APBB2: variants seen among roughly 807,000 people sequenced by gnomAD.
The protein encoded by APBB2 is Fe65-like 1.
In APBB2, 38 loss-of-function variants were observed where a neutral mutation model predicts 82.5. That is an observed-to-expected ratio of 0.46 (90% CI 0.36 to 0.60). The LOEUF (loss-of-function observed/expected upper bound fraction) is 0.60, where lower values mean the gene tolerates loss of function less well. Ranked by LOEUF, APBB2 falls within the 20% of genes least tolerant of loss-of-function variation. The probability of loss-of-function intolerance (pLI) is 0.00; values close to 1 mark genes in which losing one functional copy is unlikely to be tolerated. For missense variants in APBB2, 772 were observed against 972.3 expected, an observed-to-expected ratio of 0.79 and a Z score of 2.74; for synonymous variants, 341 against 368.2, an observed-to-expected ratio of 0.93 and a Z score of 0.85.
chr4:40,951,732 T>C (rs76053100), intron 6 of APBB2, among the ~76,000 whole-genome samples: 2,093 of 152,334 alleles, frequency 0.014, 48 homozygotes, highest in African/African-American at 0.048. Flanking sequence ...CCGTGTTCAC[T>C]GCATGGATGG....
intron 6 of APBB2, among the ~76,000 whole-genome samples, chr4:40,985,495 A>C (rs1042172316): frequency 6.6e-6 from 1 of 152,208 alleles, no homozygotes; most frequent in Non-Finnish European, 1.5e-5. Context: ...CAGAGAGCAC[A>C]GGGCCAATTG....
intron 5 of APBB2, among the ~76,000 whole-genome samples, chr4:41,031,504 C>A (rs1716794910): frequency 6.6e-6 from 1 of 152,134 alleles, no homozygotes; most frequent in South Asian, 2.1e-4. Context: ...TATTTAAAAA[C>A]CAGGCTAGAT....
chr4:41,206,459 A>T (rs1289819266), intron 1 of APBB2, among the ~76,000 whole-genome samples: 3 of 152,232 alleles, frequency 2.0e-5, no homozygotes, highest in African/African-American at 7.2e-5. Flanking sequence ...AGGAAGGAAC[A>T]AATGAAGCCG....
chr4:41,169,829 G>T lies in APBB2; in HGVS notation c.-416-26687C>A, dbSNP rs185083596. Among the ~76,000 whole-genome samples, 277 of 147,772 alleles carry T rather than the reference G, an allele frequency of 1.9e-3. 1 individual carries two copies. Among genetic ancestry groups the T allele is most frequent in the African/African-American group, 6.9e-3 (268 of 39,122 alleles). On this transcript the variant is annotated intron_variant, in intron 1 of 17. Transcript: ENST00000508593. ...AAAGATCCAAAAACGAATAGGGGGG[G>T]AAAAAAGGAAAGAAAATATTACTGT... is the stretch of plus-strand genomic sequence containing the variant.
At chr4:41,056,126 G>A (rs981727613) in intron 4 of APBB2, among the ~76,000 whole-genome samples, 11 of 152,138 alleles carry the variant, frequency 7.2e-5, no homozygotes, top group African/African-American at 2.7e-4. Context: ...GTTGCAGTGA[G>A]CCGAGATCGC....
At chr4:41,163,982 A>G (rs1251763944) in intron 1 of APBB2, among the ~76,000 whole-genome samples, 1 of 152,244 alleles carries the variant, frequency 6.6e-6, no homozygotes, top group African/African-American at 2.4e-5. Flanking sequence ...AATTATAAAG[A>G]AAAGTCTATA....
At chr4:40,982,221 G>GAAAAGAAAGAAAAGAAAGAAA (rs766666523) in intron 6 of APBB2, among the ~76,000 whole-genome samples, 18 of 12,902 alleles carry the variant, frequency 1.4e-3, no homozygotes, top group South Asian at 3.3e-3. Flanking sequence ...AGAAAAGAAA[G>GAAAAGAAAGAAAAGAAAGAAA]GAAAGAAAGA....
chr4:41,163,336 T>A (rs945592385), intron 1 of APBB2, among the ~76,000 whole-genome samples: 8 of 152,136 alleles, frequency 5.3e-5, no homozygotes, highest in East Asian at 3.8e-4. Context: ...AAAGCATTAG[T>A]GAGTGTATTA....
intron 12 of APBB2, chr4:40,857,087 C>T (rs1386803464): frequency 7.1e-6 from 7 of 985,396 alleles, no homozygotes; most frequent in Non-Finnish European, 8.4e-6. Flanking sequence ...ACGACAAGCC[C>T]CAGGGTGCCG....
At chr4:41,041,241 T>C (rs1284300172) in intron 4 of APBB2, among the ~76,000 whole-genome samples, 1 of 152,102 alleles carries the variant, frequency 6.6e-6, no homozygotes, top group African/African-American at 2.4e-5. Context: ...TAAAGCAAAA[T>C]TCAATAACAG....
At chr4:41,047,040 T>C (rs1723688521) in intron 4 of APBB2, among the ~76,000 whole-genome samples, 1 of 152,248 alleles carries the variant, frequency 6.6e-6, no homozygotes, top group Non-Finnish European at 1.5e-5. Context: ...AAAATCTCTG[T>C]ATAGCACAGA....
chr4:41,135,142 C>T (rs1428391271), intron 2 of APBB2, among the ~76,000 whole-genome samples: 1 of 132,594 alleles, frequency 7.5e-6, no homozygotes, highest in African/African-American at 2.9e-5. Context: ...AAAGCCACAG[C>T]AGTAACAAAC....
Position 41,127,160 on chromosome 4 carries a change from CCT to C in APBB2, c.-261+15825_-261+15826del, listed in dbSNP as rs1457178775. 6.6e-6 allele frequency among the ~76,000 whole-genome samples: 1 copy of C among 151,936 alleles called. No homozygotes were observed. Among genetic ancestry groups the C allele is most frequent in the East Asian group, 1.9e-4 (1 of 5,172 alleles). ...ACATTCTACAATGTCCCAATGACAC[CCT>C]GATTTTGATTACAAAAAAAAAAAGC... On this transcript the variant is annotated intron_variant, in intron 2 of 17. Transcript: ENST00000508593. The surrounding 1 kb of genome is among the most constrained non-coding windows in gnomAD (Gnocchi z 4.8).
intron 6 of APBB2, among the ~76,000 whole-genome samples, chr4:40,991,533 A>T (rs2154411389): frequency 6.6e-6 from 1 of 152,148 alleles, no homozygotes; most frequent in Non-Finnish European, 1.5e-5. Context: ...TCCAAAAAGT[A>T]CAGGGGGAAA....
At chr4:41,090,675 G>A (rs1160836052) in intron 3 of APBB2, among the ~76,000 whole-genome samples, 9 of 152,084 alleles carry the variant, frequency 5.9e-5, no homozygotes, top group Non-Finnish European at 1.2e-4. Flanking sequence ...TCGAAACCAG[G>A]ACATTTTTGA....
chr4:41,136,518 A>G (rs994958973), intron 2 of APBB2, among the ~76,000 whole-genome samples: 18 of 152,216 alleles, frequency 1.2e-4, no homozygotes, highest in African/African-American at 4.3e-4. Flanking sequence ...GGAAAGTAAA[A>G]GGGCCAGGTA....
intron 12 of APBB2, among the ~76,000 whole-genome samples, chr4:40,859,857 C>A (rs1026579011): frequency 6.6e-6 from 1 of 152,168 alleles, no homozygotes; most frequent in Non-Finnish European, 1.5e-5. Context: ...CACCTCAGAG[C>A]CTTTGCACTG....
rs112956892 is a variant in APBB2 at position 41,135,526 on chromosome 4, C to T, written c.-261+7461G>A. ...AACTTTGAATAGCTATCGTGTCATG[C>T]GTATAGATCTTATTTGGACAATATA... is the stretch of plus-strand genomic sequence containing the variant. On this transcript the variant is annotated intron_variant, in intron 2 of 17. Coordinates refer to ENST00000508593, the MANE Select transcript of APBB2 (RefSeq NM_004307.2). Among the ~76,000 whole-genome samples the T allele has an allele frequency of 7.4e-3, 1,120 of 152,170 alleles. 16 individuals are homozygous for T. Among genetic ancestry groups the T allele is most frequent in the African/African-American group, 0.026 (1,070 of 41,518 alleles).
Position 40,817,770 on chromosome 4 carries a change from G to A in APBB2, c.2113-1511C>T, listed in dbSNP as rs530551912. 3.9e-5 allele frequency among the ~76,000 whole-genome samples: 6 copies of A among 152,180 alleles called. No individual in the cohort carries two copies. In the South Asian group the frequency reaches 6.2e-4, roughly 16 times the overall value. On this transcript the variant is annotated intron_variant, in intron 17 of 17. Transcript: ENST00000508593. ...AAGCAAGACCCTGGGGGAAGGATAT[G>A]GTACAGTGTTCTATCATACCCCTTA...
Sources: gnomAD v4.1 joint callset for allele counts (sites outside exome capture counted in the v4.1 genomes callset) on GRCh38, gnomAD v4.1.1 for gene constraint, Gnocchi (gnomAD v3.1) non-coding constraint, MANE v1.5 for transcripts, NCBI Gene and HGNC (gene_info 2026-07-23, HGNC 2026-07-21) for gene names.